Variants in CHD7 observed in about 807,000 individuals in gnomAD.
The protein encoded by CHD7 is ATP-dependent chromatin remodeler CHD7.
CHD7 carries 24 observed loss-of-function variants against 307.3 expected under a neutral mutation model. The ratio of observed to expected loss-of-function variants is 0.08; its 90% CI spans 0.06 to 0.11. CHD7 has a LOEUF of 0.11. Ranked by LOEUF, CHD7 falls within the 10% of genes least tolerant of loss-of-function variation. The pLI is 1.00. For synonymous variants in CHD7, 1,363 were observed against 1,349.9 expected, an observed-to-expected ratio of 1.01 and a Z score of -0.21; for missense variants, 3,106 against 3,727.1, an observed-to-expected ratio of 0.83 and a Z score of 4.34.
At chr8:60,774,432 G>A (rs941942603) in intron 2 of CHD7, among the ~76,000 whole-genome samples, 1 of 152,222 alleles carries the variant, frequency 6.6e-6, no homozygotes, top group African/African-American at 2.4e-5. Context: ...GTACAGTGTT[G>A]CAGGATGGCT....
At chr8:60,821,648 A>G (rs1804042914) in intron 9 of CHD7, 142 bp from the exon 10 acceptor site, 1 of 582,902 alleles carries the variant, frequency 1.7e-6, no homozygotes. Flanking sequence ...ATAAACATAT[A>G]TATACACATA....
At chr8:60,836,445 T>C (rs1178478168) in intron 16 of CHD7, among the ~76,000 whole-genome samples, 162 bp downstream of exon 16, 1 of 152,224 alleles carries the variant, frequency 6.6e-6, no homozygotes, top group African/African-American at 2.4e-5. Flanking sequence ...ATGATTATTT[T>C]ATATGATGAC....
rs535623428 is a variant in CHD7 at position 60,808,304 on chromosome 8, G to A, written c.2498+32G>A. The A allele has an allele frequency of 1.0e-5, 13 of 1,272,886 alleles. No individual in the cohort carries two copies. The African/African-American group carries it at 1.8e-4, about 17-fold the overall frequency. The allele number at this position is 1,272,886 out of a possible 1,614,324, so 78.8% of individuals were successfully genotyped here. On this transcript the variant is annotated intron_variant, in intron 7 of 37. Coordinates refer to ENST00000423902, the MANE Select transcript of CHD7 (RefSeq NM_017780.4). ...AAATTGTGATTCTGTTTTTAATGGG[G>A]GGCTATATTTTCCAAGTAGTAAACG...
At position 60,828,139 on chromosome 8, in the gene CHD7, T is replaced by C. The variant is rs114582675; in HGVS notation, c.3379-524T>C. Among the ~76,000 whole-genome samples the C allele has an allele frequency of 2.1e-3, 314 of 152,282 alleles. 1 individual carries two copies. The highest frequency in any genetic ancestry group is 6.5e-3 in the African/African-American group (271 of 41,550). ...TGATTAAAAAAAAGTGATTGTGGTA[T>C]TTACAACCAAGCTGACCTCTTTGCT... is the stretch of plus-strand genomic sequence containing the variant. On this transcript the variant is annotated intron_variant, in intron 13 of 37. Coordinates refer to ENST00000423902, the MANE Select transcript of CHD7 (RefSeq NM_017780.4).
At chr8:60,839,837 A>C (rs896478206) in intron 19 of CHD7, among the ~76,000 whole-genome samples, 7 of 152,224 alleles carry the variant, frequency 4.6e-5, no homozygotes, top group African/African-American at 1.7e-4. Flanking sequence ...GTTCTGTATT[A>C]ATATGATTGC....
At chr8:60,682,820 A>G (rs1286033845) in intron 1 of CHD7, among the ~76,000 whole-genome samples, 2 of 152,242 alleles carry the variant, frequency 1.3e-5, no homozygotes, top group African/African-American at 4.8e-5. Context: ...GAAACATCGA[A>G]TATAAATGTG....
chr8:60,679,254 G>C (rs1213565411), intron 1 of CHD7, among the ~76,000 whole-genome samples, 172 bp downstream of exon 1: 1 of 148,422 alleles, frequency 6.7e-6, no homozygotes, highest in African/African-American at 2.4e-5. Context: ...GCCAGCGCAG[G>C]AGCGCAGCGC....
chr8:60,814,871 T>C (rs1158150972), intron 7 of CHD7, among the ~76,000 whole-genome samples: 3 of 152,240 alleles, frequency 2.0e-5, no homozygotes, highest in Non-Finnish European at 4.4e-5. Flanking sequence ...TTTTGGATTT[T>C]GGATTTTTTC....
At chr8:60,826,390 A>G (rs561266854) in intron 13 of CHD7, among the ~76,000 whole-genome samples, 3 of 152,372 alleles carry the variant, frequency 2.0e-5, no homozygotes, top group East Asian at 3.9e-4. Flanking sequence ...TGTTTGTCCA[A>G]TTCTGAACAG....
chr8:60,685,172 A>G (rs148201831), intron 1 of CHD7, among the ~76,000 whole-genome samples: 8 of 152,308 alleles, frequency 5.3e-5, no homozygotes, highest in African/African-American at 1.2e-4. Context: ...GACCATGATG[A>G]CATTGTTTTA....
intron 2 of CHD7, among the ~76,000 whole-genome samples, chr8:60,749,693 T>A (rs895724034): frequency 2.6e-5 from 4 of 152,160 alleles, no homozygotes; most frequent in Non-Finnish European, 5.9e-5. Context: ...CTGGACCTCA[T>A]TGGAGCAGGT....
intron 1 of CHD7, among the ~76,000 whole-genome samples, chr8:60,717,010 C>T (rs1286738235): frequency 1.3e-5 from 2 of 150,272 alleles, no homozygotes; most frequent in Admixed American, 1.3e-4. Context: ...CATTTTTCCC[C>T]TCTTGTTACA....
intron 6 of CHD7, among the ~76,000 whole-genome samples, chr8:60,806,287 T>C (rs1037954453): frequency 5.9e-5 from 9 of 151,986 alleles, no homozygotes; most frequent in African/African-American, 1.9e-4. Flanking sequence ...GGCGTGAACC[T>C]GCGAGGCAGA....
chr8:60,800,442 T>A lies in CHD7; in HGVS notation c.2293T>A (p.Phe765Ile). 6.2e-7 allele frequency: 1 copy of A among 1,613,446 alleles called. No individual in the cohort carries two copies. The highest frequency in any genetic ancestry group is 8.5e-7 in the Non-Finnish European group (1 of 1,179,708). The change falls in exon 5 of 38, where the codon TTC becomes ATC. Residue 765 changes from phenylalanine (F) to isoleucine (I), a missense_variant. By Grantham distance (21) the Phe-to-Ile change is conservative. Coordinates refer to ENST00000423902, the MANE Select transcript of CHD7 (RefSeq NM_017780.4). ...KRKRYTEDLE[F>I]KISDEEADDA... Reference sequence around the variant, plus strand: ...AAAGCGCTACACTGAAGACCTGGAGTTCAAGATTTCTGATGAGGAGGCAGA... The same window carrying A: ...AAAGCGCTACACTGAAGACCTGGAGATCAAGATTTCTGATGAGGAGGCAGA...
chr8:60,817,418 A>C (rs1803800604), intron 8 of CHD7, among the ~76,000 whole-genome samples: 1 of 152,230 alleles, frequency 6.6e-6, no homozygotes, highest in Non-Finnish European at 1.5e-5. Flanking sequence ...ATGTCATAAA[A>C]TTCTTATACT....
chr8:60,826,585 G>A (rs907959254), intron 13 of CHD7, among the ~76,000 whole-genome samples: 1 of 152,204 alleles, frequency 6.6e-6, no homozygotes, highest in African/African-American at 2.4e-5. Flanking sequence ...ATGAAAATGC[G>A]CTTGATGGGG....
chr8:60,680,100 C>T (rs564832443), intron 1 of CHD7, among the ~76,000 whole-genome samples: 187 of 151,712 alleles, frequency 1.2e-3, no homozygotes, highest in Non-Finnish European at 2.2e-3. Context: ...ACTCGGCTCC[C>T]CCGCCCCCCA....
chr8:60,726,615 T>C (rs1231086023), intron 1 of CHD7, among the ~76,000 whole-genome samples: 1 of 152,214 alleles, frequency 6.6e-6, no homozygotes, highest in Non-Finnish European at 1.5e-5. Flanking sequence ...GCCTGATGAA[T>C]TAAAGGTAGG....
At position 60,862,201 on chromosome 8, in the gene CHD7, T is replaced by C; in HGVS notation, c.7836T>C (p.Asn2612=). 1 of 1,608,666 alleles carries C rather than the reference T, an allele frequency of 6.2e-7. No homozygotes were observed. The highest frequency in any genetic ancestry group is 2.2e-5 in the East Asian group (1 of 44,828). ...ATATGTTTTTTCTTTTGCAGAAGAA[T>C]GCAGATGTGCTGTTTTCCTCATTTC... is the stretch of plus-strand genomic sequence containing the variant. The part of the protein sequence containing the change: ...TVDMPSYVPK[N]ADVLFSSFQK... The change falls in exon 36 of 38, where the codon AAT becomes AAC. Residue 2612 remains asparagine, a synonymous_variant. Coordinates refer to ENST00000423902, the MANE Select transcript of CHD7 (RefSeq NM_017780.4).
Sources: allele counts gnomAD v4.1 joint callset (sites outside exome capture counted in the v4.1 genomes callset), GRCh38; gene constraint gnomAD v4.1.1; transcripts MANE v1.5; gene names NCBI Gene and HGNC (gene_info 2026-07-23, HGNC 2026-07-21).